The following SPATA3 variants were observed in gnomAD, a reference collection of about 807,000 sequenced individuals.
SPATA3 encodes the protein spermatogenesis-associated protein 3.
In SPATA3, 6 loss-of-function variants were observed where a neutral mutation model predicts 5.7. The ratio of observed to expected loss-of-function variants is 1.06; its 90% CI spans 0.58 to 2.09. The LOEUF is 2.09. Among genes scored for constraint, SPATA3 ranks in the 30% most tolerant of loss-of-function variants. The pLI, the probability that SPATA3 is intolerant of heterozygous loss-of-function variation, is 0.00. For missense variants in SPATA3, 155 were observed against 130.4 expected (o/e 1.19, Z -0.92); for synonymous variants, 44 against 48.4 (o/e 0.91, Z 0.37).
chr2:231,010,674 C>T (rs1692758064), downstream of SPATA3, among the ~76,000 whole-genome samples: 1 of 152,012 alleles, frequency 6.6e-6, no homozygotes, highest in Non-Finnish European at 1.5e-5. Context: ...AAAACTTTCC[C>T]TTCTGAGGCC....
At chr2:231,009,658 G>A (rs1036169849), downstream of SPATA3, among the ~76,000 whole-genome samples, 3 of 152,232 alleles carry the variant, frequency 2.0e-5, no homozygotes, top group Non-Finnish European at 2.9e-5. Flanking sequence ...AGTGGAAACT[G>A]CACATGCTAA....
chr2:231,017,663 G>T (rs1692967265), intron 6 of SPATA3, among the ~76,000 whole-genome samples: 1 of 152,212 alleles, frequency 6.6e-6, no homozygotes, highest in African/African-American at 2.4e-5. Flanking sequence ...TTTTAGTAAA[G>T]AAGTGTGGGA....
At chr2:230,998,633 TA>T in intron 1 of SPATA3, among the ~76,000 whole-genome samples, 1 of 152,262 alleles carries the variant, frequency 6.6e-6, no homozygotes, top group East Asian at 1.9e-4. Flanking sequence ...TGCCATTTTC[TA>T]AAATCCAAGC....
chr2:231,006,240 G>A (rs1334033129), downstream of SPATA3, among the ~76,000 whole-genome samples: 10 of 144,584 alleles, frequency 6.9e-5, no homozygotes, highest in Non-Finnish European at 1.2e-4. Context: ...GGTGGCTCAC[G>A]CCTGTAATCC....
chr2:231,013,883 CTG>C (rs1692858853), exon 6 of SPATA3: 1 of 146,468 alleles, frequency 6.8e-6, no homozygotes, highest in African/African-American at 2.5e-5. Context: ...GGGTCTCACT[CTG>C]TCACCCAGGT....
downstream of SPATA3, among the ~76,000 whole-genome samples, chr2:231,003,541 T>A (rs1692432131): frequency 6.6e-6 from 1 of 152,180 alleles, no homozygotes; most frequent in Non-Finnish European, 1.5e-5. Context: ...GGAACAAGAA[T>A]GATGACACAG....
intron 6 of SPATA3, among the ~76,000 whole-genome samples, chr2:231,014,687 G>A (rs952116725): frequency 1.3e-5 from 2 of 152,120 alleles, no homozygotes; most frequent in Non-Finnish European, 2.9e-5. Context: ...CCTTCCAAAA[G>A]GACACCCACC....
intron 6 of SPATA3, among the ~76,000 whole-genome samples, chr2:231,018,171 C>T (rs547589398): frequency 9.2e-5 from 14 of 152,196 alleles, no homozygotes; most frequent in Admixed American, 3.9e-4. Context: ...GTGATCCGCC[C>T]GCCTCAGCCT....
At chr2:231,002,946 C>A, downstream of SPATA3, 1 of 447,968 alleles carries the variant, frequency 2.2e-6, no homozygotes, top group Non-Finnish European at 3.9e-6. Context: ...GGTCAGCCGG[C>A]ATGGCCCTCT....
intron 2 of SPATA3, 88 bp downstream of exon 2, chr2:231,000,625 C>T (rs1370707437): frequency 1.6e-6 from 2 of 1,248,410 alleles, no homozygotes; most frequent in African/African-American, 1.5e-5. Context: ...TCATGTATCA[C>T]TTCCTCTTGG....
At chr2:230,996,460 A>G (rs1156996770) in intron 1 of SPATA3, 1 of 1,552,266 alleles carries the variant, frequency 6.4e-7, no homozygotes, top group Non-Finnish European at 8.7e-7. Context: ...CCAGCACCCG[A>G]AATCCGCCGC....
downstream of SPATA3, among the ~76,000 whole-genome samples, chr2:231,008,413 G>A (rs1035746371): frequency 2.0e-5 from 3 of 152,162 alleles, no homozygotes; most frequent in African/African-American, 7.2e-5. Context: ...CCATGCCCAG[G>A]TGACCTCCTA....
intron 6 of SPATA3, among the ~76,000 whole-genome samples, chr2:231,019,534 C>T (rs1330111062): frequency 2.0e-5 from 3 of 150,534 alleles, no homozygotes; most frequent in African/African-American, 4.9e-5. Flanking sequence ...CCGTGTTAGC[C>T]GGGATGGTCT....
downstream of SPATA3, among the ~76,000 whole-genome samples, chr2:231,007,052 G>A (rs1046834568): frequency 9.2e-5 from 14 of 152,074 alleles, no homozygotes. Context: ...AAGAAGGAGT[G>A]GGTGCAAGGA....
At chr2:231,016,232 A>T (rs76614718) in intron 6 of SPATA3, among the ~76,000 whole-genome samples, 1 of 152,168 alleles carries the variant, frequency 6.6e-6, no homozygotes, top group South Asian at 2.1e-4. Context: ...CCCCCATTCC[A>T]GGGACCCTGG....
At position 230,999,731 on chromosome 2, in the gene SPATA3, T is replaced by C. The variant is rs13391383; in HGVS notation, c.791-635T>C. On this transcript the variant is annotated intron_variant, in intron 1 of 2. Transcript: ENST00000645363. ...ACTGGAAACTAGAGCTGTGGTTGTC[T>C]TCTGGATGGATCAGAATGCTCTAGA... The C allele has an allele frequency of 4.0e-3, 680 of 169,312 alleles. 6 individuals are homozygous for C. Among genetic ancestry groups the C allele is most frequent in the African/African-American group, 0.015 (641 of 41,640 alleles). The allele number at this position is 169,312 out of a possible 1,614,324, so 10.5% of individuals were successfully genotyped here. A position where few individuals can be genotyped will look rare whatever the true frequency, so the allele number is the denominator to read the frequency against.
At chr2:231,005,887 G>T (rs549855246), downstream of SPATA3, among the ~76,000 whole-genome samples, 2 of 151,774 alleles carry the variant, frequency 1.3e-5, no homozygotes, top group South Asian at 4.2e-4. Context: ...TTTTTGGCTG[G>T]GAATAGTGGC....
At chr2:231,017,702 C>T (rs4973373) in intron 6 of SPATA3, among the ~76,000 whole-genome samples, 43,221 of 152,026 alleles carry the variant, frequency 0.28, 6,358 homozygotes, top group Admixed American at 0.36. Flanking sequence ...AAAAATATTC[C>T]TTGGCATATT....
At chr2:230,996,243 G>A (rs367718469) in intron 1 of SPATA3, 6 of 1,550,554 alleles carry the variant, frequency 3.9e-6, no homozygotes, top group Non-Finnish European at 5.2e-6. Context: ...CATGAAGAAG[G>A]TCAAGAAGAA....
Sources: gnomAD v4.1 joint callset for allele counts (sites outside exome capture counted in the v4.1 genomes callset) on GRCh38, gnomAD v4.1.1 for gene constraint, MANE v1.5 for transcripts, NCBI Gene and HGNC (gene_info 2026-07-23, HGNC 2026-07-21) for gene names.